Variants in PRDM16 observed in about 807,000 individuals in gnomAD.
The protein encoded by PRDM16 is histone-lysine N-methyltransferase PRDM16.
In PRDM16, 23 loss-of-function variants were observed where a neutral mutation model predicts 110.6. That is an observed-to-expected ratio of 0.21 (90% CI 0.15 to 0.29). The LOEUF (loss-of-function observed/expected upper bound fraction) is 0.29, where lower values mean the gene tolerates loss of function less well. Among genes scored for constraint, PRDM16 ranks in the 10% least tolerant of loss-of-function variants. The probability of loss-of-function intolerance (pLI) is 1.00; values close to 1 mark genes in which losing one functional copy is unlikely to be tolerated. For missense variants in PRDM16, 1,615 were observed against 1,794.3 expected, an observed-to-expected ratio of 0.90 and a Z score of 1.81; for synonymous variants, 799 against 781.8, an observed-to-expected ratio of 1.02 and a Z score of -0.37.
At chr1:3,371,825 G>A (rs1275166523) in intron 3 of PRDM16, among the ~76,000 whole-genome samples, 3 of 152,228 alleles carry the variant, frequency 2.0e-5, no homozygotes, top group South Asian at 2.1e-4. Flanking sequence ...TGCAAACTTG[G>A]GCCAATTACT....
intron 1 of PRDM16, among the ~76,000 whole-genome samples, chr1:3,115,331 G>A (rs767857336): frequency 5.9e-5 from 9 of 152,366 alleles, no homozygotes; most frequent in Admixed American, 2.6e-4. Context: ...ATCAGCGCCC[G>A]TCAGAAAGGG....
At chr1:3,426,349 G>T in intron 14 of PRDM16, 124 bp downstream of exon 14, 2 of 731,070 alleles carry the variant, frequency 2.7e-6, no homozygotes, top group Non-Finnish European at 2.2e-6. Context: ...AGGCGCAGTG[G>T]GGGCCTCACC....
At chr1:3,251,123 G>A (rs1639919718) in intron 3 of PRDM16, among the ~76,000 whole-genome samples, 1 of 152,242 alleles carries the variant, frequency 6.6e-6, no homozygotes, top group African/African-American at 2.4e-5. Flanking sequence ...AAACAGAGGG[G>A]TCTTCTTACC....
At chr1:3,093,043 G>A (rs556017113) in intron 1 of PRDM16, among the ~76,000 whole-genome samples, 1 of 152,256 alleles carries the variant, frequency 6.6e-6, no homozygotes, top group African/African-American at 2.4e-5. Context: ...CAGGAACATG[G>A]GGCCAGCCCT....
intron 1 of PRDM16, among the ~76,000 whole-genome samples, chr1:3,114,384 A>G (rs1389226117): frequency 2.8e-5 from 4 of 144,400 alleles, no homozygotes; most frequent in African/African-American, 1.0e-4. Context: ...AGGTGTAAAC[A>G]GACGCGCACG....
intron 1 of PRDM16, among the ~76,000 whole-genome samples, chr1:3,173,406 G>A (rs2100763984): frequency 6.6e-6 from 1 of 152,356 alleles, no homozygotes; most frequent in East Asian, 1.9e-4. Context: ...GAACGCTGCT[G>A]TCCCCGGAGC....
In PRDM16 at chr1:3,405,398, AG is replaced by A. The variant is rs368011527; in HGVS notation, c.1033-94del. 2.2e-6 allele frequency: 3 copies of A among 1,367,594 alleles called. No individual in the cohort carries two copies. The African/African-American group carries it at 4.5e-5, about 20-fold the overall frequency. 84.7% of individuals were successfully genotyped at this position (1,367,594 alleles called of 1,614,324 possible). A position where few individuals can be genotyped will look rare whatever the true frequency, so the allele number is the denominator to read the frequency against. On this transcript the variant is annotated intron_variant, in intron 7 of 16. Transcript: ENST00000270722. Reference sequence around the variant, plus strand: ...CTGCAACGTGGCAAGAGAGACAGGCAGGGCCCTGCCCCCCACAGCCGGTTGG... The same window carrying A: ...CTGCAACGTGGCAAGAGAGACAGGCAGGCCCTGCCCCCCACAGCCGGTTGG...
chr1:3,437,218 C>T lies in PRDM16; in HGVS notation c.*3407C>T, dbSNP rs944350561. ...AGAGGCCTTCCTTTACAAGGCCACG[C>T]GTGCAGCTGTCCCATCCAGACCCCG... On this transcript the variant is annotated 3_prime_UTR_variant, in exon 17 of 17. Transcript: ENST00000270722. 6.5e-5 allele frequency: 15 copies of T among 232,538 alleles called. No individual in the cohort carries two copies. The highest frequency in any genetic ancestry group is 2.9e-4 in the African/African-American group (13 of 45,274). 14.4% of individuals were successfully genotyped at this position (232,538 alleles called of 1,614,324 possible).
At chr1:3,355,797 A>G (rs1022298498) in intron 3 of PRDM16, among the ~76,000 whole-genome samples, 7 of 152,118 alleles carry the variant, frequency 4.6e-5, no homozygotes, top group African/African-American at 1.4e-4. Flanking sequence ...GTGCACTGCC[A>G]TGTGGGGGTA....
Position 3,157,056 on chromosome 1 carries a change from G to A in PRDM16, c.38-29069G>A, listed in dbSNP as rs1643864754. Reference sequence around the variant, plus strand: ...CTGGGGCTGAGCACGAGGGCCAAGAGGTGACCGCCGGCCAGAACCAGCCGT... The same window carrying A: ...CTGGGGCTGAGCACGAGGGCCAAGAAGTGACCGCCGGCCAGAACCAGCCGT... On this transcript the variant is annotated intron_variant, in intron 1 of 16. Transcript: ENST00000270722. The surrounding 1 kb of genome is among the most constrained non-coding windows in gnomAD (Gnocchi z 4.8). 6.6e-6 allele frequency among the ~76,000 whole-genome samples: 1 copy of A among 152,188 alleles called. No individual in the cohort carries two copies. The highest frequency in any genetic ancestry group is 6.5e-5 in the Admixed American group (1 of 15,280).
chr1:3,143,960 C>T lies in PRDM16; in HGVS notation c.38-42165C>T, dbSNP rs1201939439. Reference sequence around the variant, plus strand: ...AAGGCTCCACAAGCACTTTTGAGGCCAGGGGGAAGATGCTAAGGGGTCCTC... The same window carrying T: ...AAGGCTCCACAAGCACTTTTGAGGCTAGGGGGAAGATGCTAAGGGGTCCTC... On this transcript the variant is annotated intron_variant, in intron 1 of 16. Transcript: ENST00000270722. The surrounding 1 kb of genome is among the most constrained non-coding windows in gnomAD (Gnocchi z 4.5). Among the ~76,000 whole-genome samples, 1 of 152,184 alleles carries T rather than the reference C, an allele frequency of 6.6e-6. No homozygotes were observed. The highest frequency in any genetic ancestry group is 2.4e-5 in the African/African-American group (1 of 41,448).
intron 1 of PRDM16, among the ~76,000 whole-genome samples, chr1:3,120,901 C>G (rs1643079833): frequency 6.6e-6 from 1 of 152,210 alleles, no homozygotes; most frequent in Non-Finnish European, 1.5e-5. Context: ...CCGGGATCTG[C>G]CATTCCAGGG....
At chr1:3,158,770 CTTTCCTTCTTT>C (rs1643876821) in intron 1 of PRDM16, among the ~76,000 whole-genome samples, 1 of 116,588 alleles carries the variant, frequency 8.6e-6, no homozygotes, top group Admixed American at 8.9e-5. Context: ...TCTTTCTTTT[CTTTCCTTCTTT>C]TTTTTTTTTT....
At chr1:3,224,522 T>C (rs563510844) in intron 2 of PRDM16, among the ~76,000 whole-genome samples, 5 of 152,072 alleles carry the variant, frequency 3.3e-5, no homozygotes, top group Admixed American at 1.3e-4. Context: ...CCACAGCCAC[T>C]CTCTCTCCCT....
chr1:3,297,090 C>T (rs553235251), intron 3 of PRDM16, among the ~76,000 whole-genome samples: 55 of 152,298 alleles, frequency 3.6e-4, no homozygotes, highest in African/African-American at 1.3e-3. Flanking sequence ...TGAATGCGCG[C>T]AGATCTCAGA....
chr1:3,180,273 T>G (rs2100776821), intron 1 of PRDM16, among the ~76,000 whole-genome samples: 1 of 152,102 alleles, frequency 6.6e-6, no homozygotes, highest in East Asian at 1.9e-4. Context: ...ATGAAGTATG[T>G]TCTGCTGTAA....
chr1:3,213,399 C>T lies in PRDM16; in HGVS notation c.387+26925C>T, dbSNP rs999848669. ...GCGGGATGGCGGGTCCTGGGCGTCTCGGCTCCGCCATTGTCATTAATTATA... is the reference window on the plus strand; with the variant it reads ...GCGGGATGGCGGGTCCTGGGCGTCTTGGCTCCGCCATTGTCATTAATTATA... On this transcript the variant is annotated intron_variant, in intron 2 of 16. Transcript: ENST00000270722. This position sits in a 1 kb window ranked among gnomAD's most constrained non-coding sequence, Gnocchi z 5.3. Among the ~76,000 whole-genome samples, 3 of 152,180 alleles carry T rather than the reference C, an allele frequency of 2.0e-5. No individual in the cohort carries two copies. The highest frequency in any genetic ancestry group is 4.8e-5 in the African/African-American group (2 of 41,430).
At chr1:3,421,917 AAGAC>A (rs1049976367) in intron 12 of PRDM16, among the ~76,000 whole-genome samples, 8 of 149,972 alleles carry the variant, frequency 5.3e-5, no homozygotes, top group Non-Finnish European at 1.0e-4. Context: ...AACAGACAGG[AAGAC>A]AGACAGGCAG....
intron 2 of PRDM16, among the ~76,000 whole-genome samples, chr1:3,189,152 CG>C (rs1268564182): frequency 2.6e-5 from 4 of 152,154 alleles, no homozygotes; most frequent in Non-Finnish European, 5.9e-5. Context: ...GGGCCTGAGA[CG>C]GGACGGGAAC....
Sources: allele counts gnomAD v4.1 joint callset (sites outside exome capture counted in the v4.1 genomes callset), GRCh38; gene constraint gnomAD v4.1.1; non-coding constraint Gnocchi (gnomAD v3.1); transcripts MANE v1.5; gene names NCBI Gene and HGNC (gene_info 2026-07-23, HGNC 2026-07-21).